Variants in ZNF121 observed in about 807,000 individuals in gnomAD.
ZNF121 encodes the protein zinc finger protein 121 (clone ZHC32).
In ZNF121, 1 loss-of-function variant was observed where a neutral mutation model predicts 2.4. The observed-to-expected ratio is 0.41, with a 90% CI of 0.15 to 1.94. ZNF121 has a LOEUF of 1.94. Among genes scored for constraint, ZNF121 ranks in the 30% most tolerant of loss-of-function variants. The pLI, the probability that ZNF121 is intolerant of heterozygous loss-of-function variation, is 0.30. For synonymous variants in ZNF121, 173 were observed against 158.6 expected (o/e 1.09, Z -0.68); for missense variants, 369 against 466.3 (o/e 0.79, Z 1.92).
intron 1 of ZNF121, among the ~76,000 whole-genome samples, chr19:9,582,886 TATTACAC>T (rs2074257587): frequency 6.6e-6 from 1 of 152,166 alleles, no homozygotes; most frequent in Non-Finnish European, 1.5e-5. Flanking sequence ...GATACTACTT[TATTACAC>T]TAATACTAGA....
chr19:9,582,528 CT>C (rs1369495299), intron 1 of ZNF121, among the ~76,000 whole-genome samples: 3 of 152,242 alleles, frequency 2.0e-5, no homozygotes, highest in African/African-American at 7.2e-5. Flanking sequence ...TGCCCGACCC[CT>C]ATCTCCCTTT....
In ZNF121 at chr19:9,574,878, C is replaced by T. The variant is rs117522368; in HGVS notation, c.-159-5796G>A. ...GATATTTAAGTATGTTAACACAGGTCTTTGAATAAGTTTTGCTTCTAAAAA... is the reference window on the plus strand; with the variant it reads ...GATATTTAAGTATGTTAACACAGGTTTTTGAATAAGTTTTGCTTCTAAAAA... On this transcript the variant is annotated intron_variant, in intron 1 of 3. Coordinates refer to ENST00000320451, the MANE Select transcript of ZNF121 (RefSeq NM_001008727.5). 5.8e-4 allele frequency among the ~76,000 whole-genome samples: 88 copies of T among 152,080 alleles called. No homozygotes were observed. The East Asian group carries it at 0.016, about 28-fold the overall frequency.
rs140118981 is a variant in ZNF121 at position 9,566,887 on chromosome 19, T to C, written c.226A>G (p.Asn76Asp). ...CCTATCCACGTTCTCTGGTGAACAT[T>C]TGGTGGCAGGCTGAAGGCTTTTCTG... is the stretch of plus-strand genomic sequence containing the variant. ...QCRKAFSLPP[N>D]VHQRTWIGDK... The change falls in exon 4 of 4, where the codon AAT (asparagine) becomes GAT (aspartate). Residue 76 changes from asparagine to aspartate, a missense_variant. Around this residue, in one of 4 missense-constraint regions of ZNF121, gnomAD observed 168 missense variants for 162.3 expected, o/e 1.03. Coordinates refer to ENST00000320451, the MANE Select transcript of ZNF121 (RefSeq NM_001008727.5). The C allele has an allele frequency of 5.0e-6, 8 of 1,614,112 alleles. No homozygotes were observed. Among genetic ancestry groups the C allele is most frequent in the African/African-American group, 2.7e-5 (2 of 74,948 alleles).
chr19:9,582,748 CAAAA>C (rs78215890), intron 1 of ZNF121, among the ~76,000 whole-genome samples: 1 of 52,568 alleles, frequency 1.9e-5, no homozygotes, highest in African/African-American at 7.1e-5. Flanking sequence ...GACTCTGTCT[CAAAA>C]AAAAAAAAAA....
chr19:9,563,047 T>G lies in ZNF121; in HGVS notation c.*2893A>C, dbSNP rs1464774188. On this transcript the variant is annotated 3_prime_UTR_variant, in exon 4 of 4. Transcript: ENST00000320451. ...TCCAGCCTGGGCAAAAGGGAGACCATGTCTCAAAAAAAAAAAAAAAAAAAA... is the reference window on the plus strand; with the variant it reads ...TCCAGCCTGGGCAAAAGGGAGACCAGGTCTCAAAAAAAAAAAAAAAAAAAA... 7.8e-6 allele frequency: 1 copy of G among 128,104 alleles called. No homozygotes were observed. Among genetic ancestry groups the G allele is most frequent in the Non-Finnish European group, 1.6e-5 (1 of 63,096 alleles). 7.9% of individuals were successfully genotyped at this position (128,104 alleles called of 1,614,324 possible).
intron 1 of ZNF121, among the ~76,000 whole-genome samples, chr19:9,572,781 C>T (rs2074183032): frequency 6.6e-6 from 1 of 152,172 alleles, no homozygotes; most frequent in Admixed American, 6.5e-5. Flanking sequence ...GAAAGAAAAT[C>T]ACTTTCGGAG....
rs2074112327 is a variant in ZNF121, at chr19:9,563,471, C to G, written c.*2469G>C. 6.6e-6 allele frequency: 1 copy of G among 152,208 alleles called. No individual in the cohort carries two copies. The highest frequency in any genetic ancestry group is 1.5e-5 in the Non-Finnish European group (1 of 68,050). The allele number at this position is 152,208 out of a possible 1,614,324, so 9.4% of individuals were successfully genotyped here. ...ATTTCCAGAATATCTAGATAAATGG[C>G]AGAGGTAGCTCTACTAGAGTTTTAA... On this transcript the variant is annotated 3_prime_UTR_variant, in exon 4 of 4. Coordinates refer to ENST00000320451, the MANE Select transcript of ZNF121 (RefSeq NM_001008727.5).
intron 1 of ZNF121, among the ~76,000 whole-genome samples, chr19:9,577,487 C>T (rs1454048614): frequency 6.6e-6 from 1 of 151,146 alleles, no homozygotes. Context: ...AAAAAAGTAA[C>T]CAAAAATGTG....
chr19:9,571,499 A>C (rs1599737836), intron 1 of ZNF121, among the ~76,000 whole-genome samples: 1 of 152,200 alleles, frequency 6.6e-6, no homozygotes, highest in Non-Finnish European at 1.5e-5. Flanking sequence ...AATTTCTGTC[A>C]CTTGGTATGC....
At position 9,581,319 on chromosome 19, in the gene ZNF121, C is replaced by T. The variant is rs116136853; in HGVS notation, c.-160+3142G>A. On this transcript the variant is annotated intron_variant, in intron 1 of 3. Coordinates refer to ENST00000320451, the MANE Select transcript of ZNF121 (RefSeq NM_001008727.5). ...TGCAAGTCCTGCCCCTGTACCCTTT[C>T]CCTATTGGCCGGGGTCAGGTCGTAC... 5.7e-3 allele frequency among the ~76,000 whole-genome samples: 875 copies of T among 152,236 alleles called. 11 individuals are homozygous for T. Among genetic ancestry groups the T allele is most frequent in the African/African-American group, 0.02 (844 of 41,538 alleles).
chr19:9,575,772 T>C (rs187077018), intron 1 of ZNF121, among the ~76,000 whole-genome samples: 1 of 152,110 alleles, frequency 6.6e-6, no homozygotes, highest in African/African-American at 2.4e-5. Context: ...GGTCACTATA[T>C]AATGATAAAG....
Position 9,567,135 on chromosome 19 carries a change from T to C in ZNF121, c.4-26A>G. Reference sequence around the variant, plus strand: ...CTGTTAATAAAGGGATGAATGATGATTAAAGGATTTTTCAGATTTATCAAC... The same window carrying C: ...CTGTTAATAAAGGGATGAATGATGACTAAAGGATTTTTCAGATTTATCAAC... On this transcript the variant is annotated intron_variant, in intron 3 of 3. Transcript: ENST00000320451. 3 of 1,553,880 alleles carry C rather than the reference T, an allele frequency of 1.9e-6. No homozygotes were observed. The South Asian group carries it at 3.6e-5, about 19-fold the overall frequency.
Position 9,564,134 on chromosome 19 carries a change from G to A in ZNF121, c.*1806C>T, listed in dbSNP as rs541623213. The A allele has an allele frequency of 5.9e-5, 9 of 152,272 alleles. No individual in the cohort carries two copies. Among genetic ancestry groups the A allele is most frequent in the African/African-American group, 2.2e-4 (9 of 41,562 alleles). The allele number at this position is 152,272 out of a possible 1,614,324, so 9.4% of individuals were successfully genotyped here. A position where few individuals can be genotyped will look rare whatever the true frequency, so the allele number is the denominator to read the frequency against. On this transcript the variant is annotated 3_prime_UTR_variant, in exon 4 of 4. Transcript: ENST00000320451. ...CTGAGGGATCTGGATAAATTAAGTT[G>A]CAGACCTTGCAGAAAGGATTCTCCA...
At chr19:9,570,734 T>C (rs918044891) in intron 1 of ZNF121, among the ~76,000 whole-genome samples, 1 of 110,392 alleles carries the variant, frequency 9.1e-6, no homozygotes, top group East Asian at 2.9e-4. Context: ...ACTTGGCTAA[T>C]TTTTTGCGAG....
rs990177957 is a variant in ZNF121, at chr19:9,560,889, G to C, written c.*5051C>G. 6.6e-6 allele frequency: 1 copy of C among 152,176 alleles called. No homozygotes were observed. The allele number at this position is 152,176 out of a possible 1,614,324, so 9.4% of individuals were successfully genotyped here. On this transcript the variant is annotated 3_prime_UTR_variant, in exon 4 of 4. Coordinates refer to ENST00000320451, the MANE Select transcript of ZNF121 (RefSeq NM_001008727.5). ...TTTAAACCTAGTGCTTTTATATTAC[G>C]CCCTGAGCTAAAGATAAGAACTGTG...
Position 9,568,160 on chromosome 19 carries a change from G to A in ZNF121, c.-63C>T. ...ATGTTGTTGAGGTGCTGACACTTTG[G>A]TTTTAACTTGCCATTCTGAAGTAAA... On this transcript the variant is annotated 5_prime_UTR_variant, in exon 3 of 4. Transcript: ENST00000320451. 2.0e-6 allele frequency: 3 copies of A among 1,470,764 alleles called. No individual in the cohort carries two copies. The South Asian group carries it at 4.4e-5, about 21-fold the overall frequency. The allele number at this position is 1,470,764 out of a possible 1,614,324, so 91.1% of individuals were successfully genotyped here.
In ZNF121 at chr19:9,560,766, T is replaced by C. The variant is rs2074096972; in HGVS notation, c.*5174A>G. On this transcript the variant is annotated 3_prime_UTR_variant, in exon 4 of 4. Transcript: ENST00000320451. Reference sequence around the variant, plus strand: ...TCCACCTCTTGGCTCTTCTGAATAATGCTGCAATGAACACAGGTAGGCATT... The same window carrying C: ...TCCACCTCTTGGCTCTTCTGAATAACGCTGCAATGAACACAGGTAGGCATT... 1 of 152,262 alleles carries C rather than the reference T, an allele frequency of 6.6e-6. No homozygotes were observed. The highest frequency in any genetic ancestry group is 2.1e-4 in the South Asian group (1 of 4,836). 9.4% of individuals were successfully genotyped at this position (152,262 alleles called of 1,614,324 possible). A position where few individuals can be genotyped will look rare whatever the true frequency, so the allele number is the denominator to read the frequency against.
Position 9,563,195 on chromosome 19 carries a change from C to T in ZNF121, c.*2745G>A, listed in dbSNP as rs1272538885. On this transcript the variant is annotated 3_prime_UTR_variant, in exon 4 of 4. Transcript: ENST00000320451. Reference sequence around the variant, plus strand: ...CACACATAATAAGAAAGGAAAACAGCCTCACCACTAACACGGAATAAGTTT... The same window carrying T: ...CACACATAATAAGAAAGGAAAACAGTCTCACCACTAACACGGAATAAGTTT... 3.3e-5 allele frequency: 5 copies of T among 152,014 alleles called. No individual in the cohort carries two copies. The highest frequency in any genetic ancestry group is 5.9e-5 in the Non-Finnish European group (4 of 68,030). 9.4% of individuals were successfully genotyped at this position (152,014 alleles called of 1,614,324 possible).
rs763411174 is a variant in ZNF121, at chr19:9,566,453, T to C, written c.660A>G (p.Arg220=). 1.2e-6 allele frequency: 2 copies of C among 1,614,036 alleles called. No individual in the cohort carries two copies. Among genetic ancestry groups the C allele is most frequent in the Admixed American group, 3.3e-5 (2 of 60,008 alleles). ...CATAGGGCTTCTCTCCAGTGTGTAT[T>C]CGTACATGTTTAGTAAGGCCTGAGC... The part of the protein sequence containing the change: ...AGRSGLTKHV[R]IHTGEKPYEC... Residue 220 remains arginine (R), a synonymous_variant, in exon 4 of 4, where the codon CGA becomes CGG. Transcript: ENST00000320451.
Sources: allele counts gnomAD v4.1 joint callset (sites outside exome capture counted in the v4.1 genomes callset), GRCh38; gene constraint gnomAD v4.1.1; regional missense constraint gnomAD v4.1.1; transcripts MANE v1.5; gene names NCBI Gene and HGNC (gene_info 2026-07-23, HGNC 2026-07-21).